DMD: variants seen among roughly 807,000 people sequenced by gnomAD.
The protein encoded by DMD is dystrophin.
In DMD, 63 loss-of-function variants were observed where a neutral mutation model predicts 330.1. The observed-to-expected ratio is 0.19, with a 90% CI of 0.16 to 0.24. The LOEUF is 0.24. Ranked by LOEUF, DMD falls within the 10% of genes least tolerant of loss-of-function variation. The pLI is 1.00. For missense variants in DMD, 3,344 were observed against 2,684.1 expected (o/e 1.25, Z -5.43); for synonymous variants, 1,223 against 959.8 (o/e 1.27, Z -5.07).
intron 43 of DMD, among the ~76,000 whole-genome samples, chrX:32,241,439 C>T (rs2097208288): frequency 8.9e-6 from 1 of 112,676 alleles, no homozygotes; most frequent in East Asian, 2.8e-4. Flanking sequence ...CGTCAGGCTA[C>T]AGCCTGAAGA....
At chrX:32,308,583 C>T (rs941940984) in intron 42 of DMD, among the ~76,000 whole-genome samples, 2 of 110,994 alleles carry the variant, frequency 1.8e-5, no homozygotes, top group African/African-American at 3.3e-5. Context: ...GGGATTCAAC[C>T]ATTTAGCTAA....
chrX:32,861,255 T>C (rs749422766), intron 2 of DMD, among the ~76,000 whole-genome samples: 56 of 112,431 alleles, frequency 5.0e-4, no homozygotes, highest in Non-Finnish European at 9.2e-4. Flanking sequence ...AAATAATCCA[T>C]ATCGTCTATA....
intron 7 of DMD, among the ~76,000 whole-genome samples, chrX:32,745,386 T>C (rs917767150): frequency 7.1e-5 from 8 of 112,246 alleles, no homozygotes; most frequent in African/African-American, 2.3e-4. Context: ...GAAATCCCTA[T>C]AGCCTCCTTA....
intron 64 of DMD, among the ~76,000 whole-genome samples, chrX:31,214,940 T>TTC (rs1249043487): frequency 1.8e-4 from 11 of 60,909 alleles, no homozygotes; most frequent in African/African-American, 5.4e-4. Flanking sequence ...CTTTTTTCTT[T>TTC]TTTTTTTTTT....
chrX:31,765,300 A>G (rs1330750978), intron 51 of DMD, among the ~76,000 whole-genome samples: 1 of 111,863 alleles, frequency 8.9e-6, no homozygotes, highest in African/African-American at 3.2e-5. Flanking sequence ...TACATATATG[A>G]TTGAAACCAC....
chrX:32,645,089 C>A lies in DMD; in HGVS notation c.1024G>T (p.Asp342Tyr). 2.5e-6 allele frequency: 3 copies of A among 1,211,460 alleles called. No individual in the cohort carries two copies. The highest frequency in any genetic ancestry group is 3.4e-6 in the Non-Finnish European group (3 of 895,424). ...SSLMESEVNL[D>Y]RYQTALEEVL... is the part of the protein sequence containing the mutation. ...TCTTCTAAAGCTGTTTGATAACGGT[C>A]CAGGTTTACTTCACTCTCCATCAAT... The change falls in exon 10 of 79, where the codon GAC (aspartate) becomes TAC (tyrosine). Residue 342 changes from aspartate (D) to tyrosine (Y), a missense_variant. Asp to Tyr is a radical substitution (Grantham distance 160). Coordinates refer to ENST00000357033, the MANE Select transcript of DMD (RefSeq NM_004006.3).
intron 4 of DMD, among the ~76,000 whole-genome samples, chrX:32,840,968 C>A (rs1326506145): frequency 8.9e-6 from 1 of 111,812 alleles, no homozygotes; most frequent in African/African-American, 3.3e-5. Flanking sequence ...TTTAGTAGAT[C>A]ATGCCCAACT....
At chrX:32,081,236 C>A (rs1051196087) in intron 44 of DMD, among the ~76,000 whole-genome samples, 3 of 112,214 alleles carry the variant, frequency 2.7e-5, no homozygotes, top group Non-Finnish European at 1.9e-5. Flanking sequence ...TGCTTAATTG[C>A]ATGACGAAAT....
chrX:31,821,275 T>C (rs747997749), intron 49 of DMD, among the ~76,000 whole-genome samples: 1 of 112,437 alleles, frequency 8.9e-6, no homozygotes, highest in Admixed American at 9.4e-5. Flanking sequence ...AGCCCCGGAG[T>C]TCTGGATTTA....
chrX:31,422,244 A>T (rs957418652), intron 60 of DMD, among the ~76,000 whole-genome samples: 11 of 109,010 alleles, frequency 1.0e-4, no homozygotes, highest in Middle Eastern at 4.8e-3. Context: ...TCCTGGCCTC[A>T]GGTGATCTGC....
intron 30 of DMD, among the ~76,000 whole-genome samples, chrX:32,399,439 T>C (rs1487106945): frequency 3.6e-5 from 4 of 111,999 alleles, no homozygotes; most frequent in Non-Finnish European, 7.5e-5. Flanking sequence ...GAATAGACTT[T>C]TTTTTGAAAG....
intron 42 of DMD, among the ~76,000 whole-genome samples, chrX:32,297,271 A>T (rs372493856): frequency 2.4e-3 from 215 of 89,796 alleles, no homozygotes; most frequent in African/African-American, 9.2e-3. Flanking sequence ...TTATTTATTT[A>T]TTATTTATTT....
chrX:33,208,165 A>G (rs1286434339), intron 1 of DMD, among the ~76,000 whole-genome samples: 1 of 111,818 alleles, frequency 8.9e-6, no homozygotes, highest in African/African-American at 3.3e-5. Context: ...GTTTGACATC[A>G]CTTTAATCAA....
intron 12 of DMD, among the ~76,000 whole-genome samples, chrX:32,613,637 G>A (rs946748955): frequency 5.5e-5 from 6 of 109,780 alleles, no homozygotes; most frequent in South Asian, 3.9e-4. Context: ...AAAAAAAATC[G>A]TAGCCTTATT....
chrX:32,898,880 T>A, intron 2 of DMD, among the ~76,000 whole-genome samples: 1 of 111,801 alleles, frequency 8.9e-6, no homozygotes, highest in Non-Finnish European at 1.9e-5. Context: ...TTGCACAGAA[T>A]TTTTAATTGG....
chrX:32,210,640 T>C (rs1195456600), intron 44 of DMD, among the ~76,000 whole-genome samples: 3 of 112,008 alleles, frequency 2.7e-5, no homozygotes, highest in Admixed American at 1.9e-4. Context: ...TTACCTCCTA[T>C]AGAGTTCTTT....
chrX:33,338,735 T>A (rs1336215671), intron 1 of DMD, among the ~76,000 whole-genome samples: 1 of 111,557 alleles, frequency 9.0e-6, no homozygotes, highest in Non-Finnish European at 1.9e-5. Flanking sequence ...TAATGCAGAA[T>A]GACTGAATAA....
At chrX:31,951,177 A>ATATATATATATG (rs1569521343) in intron 45 of DMD, among the ~76,000 whole-genome samples, 2 of 90,412 alleles carry the variant, frequency 2.2e-5, no homozygotes, top group East Asian at 3.1e-4. Flanking sequence ...ATATATATGT[A>ATATATATATATG]TATATATATA....
At chrX:32,385,759 C>A (rs1386562580) in intron 33 of DMD, among the ~76,000 whole-genome samples, 4 of 110,301 alleles carry the variant, frequency 3.6e-5, no homozygotes, top group Non-Finnish European at 7.6e-5. Context: ...TAGGTCTTAA[C>A]TGGCTATCCA....
Sources: gnomAD v4.1 joint callset for allele counts (sites outside exome capture counted in the v4.1 genomes callset) on GRCh38, gnomAD v4.1.1 for gene constraint, MANE v1.5 for transcripts, NCBI Gene and HGNC (gene_info 2026-07-23, HGNC 2026-07-21) for gene names.